The following SDK1 variants were observed in gnomAD, a reference collection of about 807,000 sequenced individuals.
The protein encoded by SDK1 is sidekick cell adhesion molecule 1, also known as protein sidekick-1.
A neutral mutation model predicts 245.5 loss-of-function variants in SDK1; 157 were observed. The observed-to-expected ratio is 0.64, with a 90% CI of 0.56 to 0.73. The LOEUF (loss-of-function observed/expected upper bound fraction) is 0.73. Ranked by LOEUF, SDK1 falls within the 30% of genes least tolerant of loss-of-function variation. The pLI, the probability that SDK1 is intolerant of heterozygous loss-of-function variation, is 0.00. For missense variants in SDK1, 3,583 were observed against 3,002.3 expected (o/e 1.19, Z -4.52); for synonymous variants, 1,647 against 1,278.5 (o/e 1.29, Z -6.15).
chr7:3,544,615 G>A (rs1341627737), intron 1 of SDK1, among the ~76,000 whole-genome samples: 2 of 152,194 alleles, frequency 1.3e-5, no homozygotes, highest in African/African-American at 2.4e-5. Flanking sequence ...CATGAACGTC[G>A]ACAGCTCATT....
At chr7:3,636,316 C>G (rs1162136285) in intron 2 of SDK1, among the ~76,000 whole-genome samples, 1 of 152,202 alleles carries the variant, frequency 6.6e-6, no homozygotes, top group Non-Finnish European at 1.5e-5. Flanking sequence ...CTCTGCAGGA[C>G]TCACTCATCT....
chr7:3,586,101 G>T (rs1449812949), intron 1 of SDK1, among the ~76,000 whole-genome samples: 23 of 152,132 alleles, frequency 1.5e-4, no homozygotes, highest in Admixed American at 1.5e-3. Context: ...GAGAAGCAGG[G>T]AGGTGTGTAG....
intron 1 of SDK1, among the ~76,000 whole-genome samples, chr7:3,347,866 G>A (rs1239520506): frequency 1.3e-5 from 2 of 149,892 alleles, no homozygotes; most frequent in Non-Finnish European, 3.0e-5. Context: ...GCTTAGTATC[G>A]AGCCAGTTAC....
intron 1 of SDK1, among the ~76,000 whole-genome samples, chr7:3,496,491 G>A (rs1583950975): frequency 6.6e-6 from 1 of 150,976 alleles, no homozygotes; most frequent in South Asian, 2.1e-4. Flanking sequence ...GAAAGAAGTT[G>A]TATGTACTTT....
intron 1 of SDK1, among the ~76,000 whole-genome samples, chr7:3,580,525 C>G (rs546824152): frequency 6.6e-5 from 10 of 151,994 alleles, no homozygotes; most frequent in Non-Finnish European, 1.5e-4. Flanking sequence ...ACAAAGCTGA[C>G]AAAAACAAGA....
At chr7:3,443,658 T>A (rs1780260913) in intron 1 of SDK1, among the ~76,000 whole-genome samples, 1 of 152,244 alleles carries the variant, frequency 6.6e-6, no homozygotes. Context: ...TGGTTTGATT[T>A]GTGCTTACTT....
intron 1 of SDK1, among the ~76,000 whole-genome samples, chr7:3,524,284 G>A (rs1041005837): frequency 2.6e-5 from 4 of 152,152 alleles, no homozygotes; most frequent in African/African-American, 9.7e-5. Context: ...CTGAGTCAAG[G>A]TGGAAACAAC....
chr7:4,129,878 G>T, intron 26 of SDK1, 30 bp from the exon 27 acceptor site: 1 of 1,611,346 alleles, frequency 6.2e-7, no homozygotes, highest in Non-Finnish European at 8.5e-7. Flanking sequence ...CCCGCCTCCT[G>T]ATAACCCTCG....
At chr7:3,643,814 C>G (rs1012080229) in intron 4 of SDK1, 4 of 151,404 alleles carry the variant, frequency 2.6e-5, no homozygotes, top group African/African-American at 7.3e-5. Flanking sequence ...AGCCCCATGT[C>G]TCCAGTCTTC....
chr7:3,488,783 C>A (rs994866582), intron 1 of SDK1, among the ~76,000 whole-genome samples: 1 of 152,200 alleles, frequency 6.6e-6, no homozygotes, highest in Non-Finnish European at 1.5e-5. Flanking sequence ...CTTCCCTACT[C>A]AATCTGACAG....
intron 44 of SDK1, among the ~76,000 whole-genome samples, chr7:4,255,062 G>C (rs1429278857): frequency 6.6e-6 from 1 of 152,212 alleles, no homozygotes; most frequent in Non-Finnish European, 1.5e-5. Context: ...CAGCCTTTCT[G>C]CAGTTGCCAG....
intron 1 of SDK1, among the ~76,000 whole-genome samples, chr7:3,463,112 T>C (rs552828720): frequency 6.6e-6 from 1 of 152,276 alleles, no homozygotes; most frequent in South Asian, 2.1e-4. Flanking sequence ...AACTCTATCC[T>C]GTGCTTTAGA....
chr7:4,077,043 T>C lies in SDK1; in HGVS notation c.3056T>C (p.Leu1019Pro), dbSNP rs770089705. 4 of 1,614,078 alleles carry C rather than the reference T, an allele frequency of 2.5e-6. No individual in the cohort carries two copies. The South Asian group carries it at 3.3e-5, about 13-fold the overall frequency. The change falls in exon 21 of 45, where the codon CTC (leucine) becomes CCC (proline). Residue 1019 changes from leucine (L) to proline (P), a missense_variant. By Grantham distance (98) the Leu-to-Pro change is moderately conservative. Coordinates refer to ENST00000404826, the MANE Select transcript of SDK1 (RefSeq NM_152744.4). ...GTGTACGGCAGGAACGACTCTCGTC[T>C]CACGCACACCCTGAACAGCACGACG... Reference protein sequence around the residue: ...WEVYGRNDSRLTHTLNSTTHE... With the variant: ...WEVYGRNDSRPTHTLNSTTHE...
intron 4 of SDK1, among the ~76,000 whole-genome samples, chr7:3,775,437 T>C (rs1015530850): frequency 6.6e-6 from 1 of 151,992 alleles, no homozygotes; most frequent in Non-Finnish European, 1.5e-5. Flanking sequence ...TTTTATTTTT[T>C]TTTTTCTATT....
intron 19 of SDK1, among the ~76,000 whole-genome samples, chr7:4,059,033 T>A (rs1779374681): frequency 6.6e-6 from 1 of 152,154 alleles, no homozygotes; most frequent in Admixed American, 6.6e-5. Context: ...ACAAAGGATA[T>A]ATAAACCAAC....
At chr7:3,521,876 C>T (rs369161436) in intron 1 of SDK1, among the ~76,000 whole-genome samples, 11 of 152,220 alleles carry the variant, frequency 7.2e-5, no homozygotes, top group African/African-American at 2.6e-4. Context: ...GATTTTAGTT[C>T]ACCAAGATTT....
intron 1 of SDK1, among the ~76,000 whole-genome samples, chr7:3,340,446 C>A (rs1257275424): frequency 6.6e-6 from 1 of 152,096 alleles, no homozygotes; most frequent in South Asian, 2.1e-4. Context: ...CACTAATCTT[C>A]AATTTGTAAA....
intron 19 of SDK1, among the ~76,000 whole-genome samples, chr7:4,053,320 C>T (rs1306061977): frequency 1.3e-5 from 2 of 151,576 alleles, no homozygotes; most frequent in Non-Finnish European, 2.9e-5. Context: ...TCCTTGCCTT[C>T]CCACTTCACC....
intron 1 of SDK1, among the ~76,000 whole-genome samples, chr7:3,344,058 C>T (rs190284123): frequency 5.2e-4 from 77 of 148,524 alleles, no homozygotes; most frequent in Non-Finnish European, 4.6e-4. Flanking sequence ...TGTATATTTT[C>T]ACTAAGTTTA....
Sources: gnomAD v4.1 joint callset for allele counts (sites outside exome capture counted in the v4.1 genomes callset) on GRCh38, gnomAD v4.1.1 for gene constraint, MANE v1.5 for transcripts, NCBI Gene and HGNC (gene_info 2026-07-23, HGNC 2026-07-21) for gene names.